Variants in DCAF5 observed in about 807,000 individuals in gnomAD.
DCAF5 encodes DDB1 and CUL4 associated factor 5.
A neutral mutation model predicts 80.7 loss-of-function variants in DCAF5; 9 were observed. The observed-to-expected ratio is 0.11, with a 90% confidence interval of 0.07 to 0.19. DCAF5 has a LOEUF of 0.19. Among genes scored for constraint, DCAF5 ranks in the 10% least tolerant of loss-of-function variants. The pLI, the probability that DCAF5 is intolerant of heterozygous loss-of-function variation, is 1.00. For missense variants in DCAF5, 842 were observed against 1,205.7 expected, an observed-to-expected ratio of 0.70 and a Z score of 4.47; for synonymous variants, 433 against 461.9, an observed-to-expected ratio of 0.94 and a Z score of 0.80.
chr14:69,075,474 T>C, intron 6 of DCAF5, 63 bp from the exon 7 acceptor site: 1 of 1,078,706 alleles, frequency 9.3e-7, no homozygotes, highest in Non-Finnish European at 1.2e-6. Context: ...ATACAATATG[T>C]AACAATAAAC....
At chr14:69,100,955 A>C (rs2039932255) in intron 5 of DCAF5, among the ~76,000 whole-genome samples, 1 of 152,242 alleles carries the variant, frequency 6.6e-6, no homozygotes, top group Non-Finnish European at 1.5e-5. Flanking sequence ...GATACCCCTG[A>C]AGAAGCAACA....
At chr14:69,066,453 A>G (rs914024002) in intron 7 of DCAF5, among the ~76,000 whole-genome samples, 7 of 152,102 alleles carry the variant, frequency 4.6e-5, no homozygotes, top group Non-Finnish European at 1.0e-4. Context: ...CTCCTTTTTA[A>G]GTTTAGTTCC....
intron 7 of DCAF5, among the ~76,000 whole-genome samples, chr14:69,066,135 CTGTT>C (rs1183118127): frequency 6.6e-6 from 1 of 151,190 alleles, no homozygotes; most frequent in East Asian, 1.9e-4. Flanking sequence ...TGTGCTGACA[CTGTT>C]TTTTTTTTTT....
chr14:69,070,145 TAAG>T (rs1189396057), intron 7 of DCAF5, among the ~76,000 whole-genome samples: 11 of 152,194 alleles, frequency 7.2e-5, no homozygotes, highest in Admixed American at 7.2e-4. Flanking sequence ...TTTCCATAAA[TAAG>T]AAGGTCTTAG....
intron 1 of DCAF5, among the ~76,000 whole-genome samples, chr14:69,132,090 C>T (rs1377112748): frequency 1.3e-5 from 2 of 152,152 alleles, no homozygotes; most frequent in Admixed American, 6.5e-5. Context: ...GTGAATAATG[C>T]CACTATGAAC....
intron 1 of DCAF5, among the ~76,000 whole-genome samples, chr14:69,143,474 C>G (rs2041436351): frequency 6.6e-6 from 1 of 151,790 alleles, no homozygotes; most frequent in Non-Finnish European, 1.5e-5. Context: ...GTTACATATG[C>G]CTGGCACATG....
intron 1 of DCAF5, among the ~76,000 whole-genome samples, chr14:69,140,254 G>A (rs952568164): frequency 3.3e-5 from 5 of 151,494 alleles, no homozygotes; most frequent in Non-Finnish European, 5.9e-5. Flanking sequence ...GCGACAGAAT[G>A]AGACTCTGTC....
At chr14:69,078,585 A>T (rs192180336) in intron 6 of DCAF5, among the ~76,000 whole-genome samples, 8 of 152,356 alleles carry the variant, frequency 5.3e-5, no homozygotes, top group Admixed American at 1.3e-4. Flanking sequence ...TTAACAAGGA[A>T]GGAAATTCTG....
intron 6 of DCAF5, chr14:69,089,839 G>T: frequency 1.4e-6 from 1 of 735,594 alleles, no homozygotes; most frequent in Non-Finnish European, 1.7e-6. Context: ...AGAGGCTAGG[G>T]ATACTGCTAA....
intron 1 of DCAF5, among the ~76,000 whole-genome samples, chr14:69,129,181 T>C (rs921357234): frequency 2.6e-5 from 4 of 152,168 alleles, no homozygotes; most frequent in Non-Finnish European, 4.4e-5. Flanking sequence ...GTAACTAACA[T>C]GATGATGACA....
At chr14:69,108,911 TTCTC>T (rs955140336) in intron 5 of DCAF5, among the ~76,000 whole-genome samples, 1 of 152,180 alleles carries the variant, frequency 6.6e-6, no homozygotes, top group Non-Finnish European at 1.5e-5. Flanking sequence ...ACTCTTCTCG[TTCTC>T]TCTTTTGTCC....
chr14:69,083,982 G>A (rs2039217846), intron 6 of DCAF5: 11 of 781,360 alleles, frequency 1.4e-5, no homozygotes, highest in Non-Finnish European at 2.4e-5. Flanking sequence ...TTTTACAAAC[G>A]TGACTGAAAT....
chr14:69,140,146 A>T (rs1383898096), intron 1 of DCAF5, among the ~76,000 whole-genome samples: 1 of 152,028 alleles, frequency 6.6e-6, no homozygotes, highest in Non-Finnish European at 1.5e-5. Context: ...GCACACCTAT[A>T]ATCTCAGCTA....
At chr14:69,099,686 T>C (rs2039881210) in intron 5 of DCAF5, among the ~76,000 whole-genome samples, 1 of 152,210 alleles carries the variant, frequency 6.6e-6, no homozygotes, top group Admixed American at 6.5e-5. Context: ...TTCATGCCTG[T>C]AATCCCAACA....
intron 5 of DCAF5, among the ~76,000 whole-genome samples, chr14:69,113,664 A>C (rs1348492307): frequency 6.6e-6 from 1 of 152,238 alleles, no homozygotes; most frequent in Non-Finnish European, 1.5e-5. Context: ...GCAACTCAGC[A>C]TAACTAATCC....
intron 1 of DCAF5, among the ~76,000 whole-genome samples, chr14:69,135,046 T>C (rs2041149594): frequency 6.6e-6 from 1 of 152,212 alleles, no homozygotes; most frequent in Admixed American, 6.5e-5. Context: ...TTGGTTAAAT[T>C]CTGATGTAGA....
intron 7 of DCAF5, among the ~76,000 whole-genome samples, chr14:69,073,153 G>A (rs1372122760): frequency 1.3e-5 from 2 of 152,188 alleles, no homozygotes. Context: ...GAGAAAATCA[G>A]TACAGCAGAG....
intron 5 of DCAF5, among the ~76,000 whole-genome samples, chr14:69,109,319 A>G (rs1171043350): frequency 2.6e-5 from 4 of 151,360 alleles, no homozygotes; most frequent in Non-Finnish European, 5.9e-5. Flanking sequence ...AGCCTGGGAG[A>G]CAGAGCAAAA....
intron 6 of DCAF5, among the ~76,000 whole-genome samples, chr14:69,082,724 T>C (rs1438185058): frequency 1.3e-5 from 2 of 152,226 alleles, no homozygotes; most frequent in Non-Finnish European, 2.9e-5. Flanking sequence ...AGTCCATATA[T>C]GAGTATTTAT....
Sources: allele counts gnomAD v4.1 joint callset (sites outside exome capture counted in the v4.1 genomes callset), GRCh38; gene constraint gnomAD v4.1.1; transcripts MANE v1.5; gene names NCBI Gene and HGNC (gene_info 2026-07-23, HGNC 2026-07-21).